SRGAP3: variants seen among roughly 807,000 people sequenced by gnomAD.
SRGAP3 encodes the protein SLIT-ROBO Rho GTPase-activating protein 3.
A neutral mutation model predicts 121.1 loss-of-function variants in SRGAP3; 39 were observed. That is an observed-to-expected ratio of 0.32 (90% confidence interval 0.25 to 0.42). The LOEUF is 0.42. Among genes scored for constraint, SRGAP3 ranks in the 10% least tolerant of loss-of-function variants. The pLI, the probability that SRGAP3 is intolerant of heterozygous loss-of-function variation, is 1.00. For missense variants in SRGAP3, 1,213 were observed against 1,470.6 expected (o/e 0.82, Z 2.86); for synonymous variants, 601 against 570.0 (o/e 1.05, Z -0.77).
At chr3:9,262,860 A>G (rs1004715968) in intron 3 of SRGAP3, among the ~76,000 whole-genome samples, 4 of 152,222 alleles carry the variant, frequency 2.6e-5, no homozygotes, top group African/African-American at 7.2e-5. Context: ...TCAGCTTTGG[A>G]CCAAGTGGGC....
intron 1 of SRGAP3, among the ~76,000 whole-genome samples, chr3:9,339,766 C>T (rs947616188): frequency 1.3e-5 from 2 of 152,200 alleles, no homozygotes; most frequent in African/African-American, 4.8e-5. Context: ...TCTATACAAG[C>T]TAACCCCAAG....
chr3:9,241,661 T>C (rs1006933031), intron 1 of SRGAP3, among the ~76,000 whole-genome samples: 1 of 152,150 alleles, frequency 6.6e-6, no homozygotes, highest in Non-Finnish European at 1.5e-5. Flanking sequence ...CAAAAATGCA[T>C]ATGTTGAAGC....
At chr3:9,017,715 G>A (rs1365165307) in intron 14 of SRGAP3, among the ~76,000 whole-genome samples, 1 of 152,080 alleles carries the variant, frequency 6.6e-6, no homozygotes, top group African/African-American at 2.4e-5. Flanking sequence ...CCATTGAAAT[G>A]CATTTTTTCT....
At chr3:9,258,209 C>T (rs987271030) in intron 3 of SRGAP3, among the ~76,000 whole-genome samples, 1 of 152,144 alleles carries the variant, frequency 6.6e-6, no homozygotes, top group African/African-American at 2.4e-5. Flanking sequence ...CTTGGAAACA[C>T]AGAAGCGGTT....
At chr3:9,064,123 C>T (rs1300309171) in intron 5 of SRGAP3, among the ~76,000 whole-genome samples, 1 of 152,216 alleles carries the variant, frequency 6.6e-6, no homozygotes, top group Admixed American at 6.5e-5. Context: ...CACAGTTCAG[C>T]TTTCTTGTGA....
chr3:9,313,395 T>C (rs1955283195), intron 3 of SRGAP3, among the ~76,000 whole-genome samples: 1 of 152,144 alleles, frequency 6.6e-6, no homozygotes, highest in South Asian at 2.1e-4. Context: ...CTTTGAAAGG[T>C]AGCTCATAAT....
intron 1 of SRGAP3, among the ~76,000 whole-genome samples, chr3:9,228,827 C>A (rs1321934329): frequency 6.6e-6 from 1 of 151,884 alleles, no homozygotes; most frequent in Admixed American, 6.6e-5. Flanking sequence ...CTTTGGGAGG[C>A]CGAGGCGGGT....
At chr3:9,336,019 G>A (rs564533520) in intron 1 of SRGAP3, among the ~76,000 whole-genome samples, 1 of 152,068 alleles carries the variant, frequency 6.6e-6, no homozygotes, top group Non-Finnish European at 1.5e-5. Context: ...AAAACACTGG[G>A]GAATTAGAAC....
intron 1 of SRGAP3, among the ~76,000 whole-genome samples, chr3:9,246,826 C>G (rs1326133823): frequency 6.6e-6 from 1 of 152,256 alleles, no homozygotes. Flanking sequence ...AGCCAGAATG[C>G]AAGGAAATTT....
chr3:9,305,363 CTTT>C (rs1210901472), intron 3 of SRGAP3, among the ~76,000 whole-genome samples: 1 of 96,730 alleles, frequency 1.0e-5, no homozygotes, highest in African/African-American at 3.8e-5. Flanking sequence ...GAGGTCCTCT[CTTT>C]TTTTTTTTTT....
intron 9 of SRGAP3, among the ~76,000 whole-genome samples, chr3:9,049,826 T>C (rs1227572171): frequency 6.8e-6 from 1 of 147,458 alleles, no homozygotes; most frequent in Admixed American, 6.9e-5. Context: ...CAGGCTGGAG[T>C]GCAGTAGTAC....
intron 18 of SRGAP3, among the ~76,000 whole-genome samples, chr3:8,994,777 C>T (rs1417494144): frequency 6.6e-6 from 1 of 152,222 alleles, no homozygotes. Flanking sequence ...TCCTTTTCCA[C>T]TGCCCTTCTT....
chr3:9,202,343 C>G (rs1213462836), intron 1 of SRGAP3, among the ~76,000 whole-genome samples: 1 of 152,220 alleles, frequency 6.6e-6, no homozygotes, highest in East Asian at 1.9e-4. Context: ...GTCCCCATAG[C>G]TGGACCAGCT....
At chr3:9,190,744 G>C (rs1250229616) in intron 1 of SRGAP3, among the ~76,000 whole-genome samples, 2 of 152,204 alleles carry the variant, frequency 1.3e-5, no homozygotes, top group Non-Finnish European at 2.9e-5. Context: ...AAGAAGCCCT[G>C]TGACTAAAAC....
At chr3:9,355,795 T>C (rs938373490) in intron 1 of SRGAP3, 3 of 152,242 alleles carry the variant, frequency 2.0e-5, no homozygotes, top group Non-Finnish European at 4.4e-5. Flanking sequence ...GACATTTATT[T>C]CTCACATTTC....
chr3:9,361,658 T>C (rs112918118), intron 1 of SRGAP3, among the ~76,000 whole-genome samples: 22 of 152,270 alleles, frequency 1.4e-4, no homozygotes, highest in African/African-American at 5.1e-4. Context: ...CCTCCCTCTA[T>C]AATCGCCATT....
intron 2 of SRGAP3, among the ~76,000 whole-genome samples, chr3:9,113,484 A>C (rs1218510783): frequency 2.0e-5 from 3 of 151,906 alleles, no homozygotes; most frequent in Non-Finnish European, 2.9e-5. Context: ...CTTCCCAATG[A>C]CCTCATTTTT....
Position 9,013,714 on chromosome 3 carries a change from G to A in SRGAP3, c.1919+23C>T, listed in dbSNP as rs367683107. ...AAGAGGCCAGGCCTGAGTCAAAAAG[G>A]GGCCCCTTGGCCAGACACTCACTGG... is the stretch of plus-strand genomic sequence containing the variant. On this transcript the variant is annotated intron_variant, in intron 16 of 21. Transcript: ENST00000383836. 1,914 of 1,613,222 alleles carry A rather than the reference G, an allele frequency of 1.2e-3. 32 individuals carry two copies. The highest frequency in any genetic ancestry group is 2.7e-3 in the Middle Eastern group (16 of 6,018).
At chr3:9,294,138 T>C (rs1954912778) in intron 3 of SRGAP3, among the ~76,000 whole-genome samples, 1 of 152,200 alleles carries the variant, frequency 6.6e-6, no homozygotes, top group Non-Finnish European at 1.5e-5. Flanking sequence ...CATGGAATAC[T>C]ATGCAGCCAT....
Sources: gnomAD v4.1 joint callset for allele counts (sites outside exome capture counted in the v4.1 genomes callset) on GRCh38, gnomAD v4.1.1 for gene constraint, MANE v1.5 for transcripts, NCBI Gene and HGNC (gene_info 2026-07-23, HGNC 2026-07-21) for gene names.